NT5M: variants seen among roughly 807,000 people sequenced by gnomAD.
The protein encoded by NT5M is 5'(3')-deoxyribonucleotidase, mitochondrial.
Under a neutral mutation model 22.2 loss-of-function variants are expected in NT5M, and 22 were observed. That is an observed-to-expected ratio of 0.99 (90% CI 0.71 to 1.41). The LOEUF is 1.41. Among genes scored for constraint, NT5M ranks in the 40% most tolerant of loss-of-function variants. The pLI is 0.00. For synonymous variants in NT5M, 167 were observed against 133.0 expected, an observed-to-expected ratio of 1.26 and a Z score of -1.76; for missense variants, 322 against 314.8, an observed-to-expected ratio of 1.02 and a Z score of -0.17.
chr17:17,324,568 C>T (rs2049227219), intron 3 of NT5M, among the ~76,000 whole-genome samples: 1 of 151,940 alleles, frequency 6.6e-6, no homozygotes, highest in Non-Finnish European at 1.5e-5. Flanking sequence ...CAGTGGGAAT[C>T]ACACTTGCTG....
chr17:17,319,279 C>T (rs1273799527), intron 2 of NT5M, among the ~76,000 whole-genome samples: 4 of 151,694 alleles, frequency 2.6e-5, no homozygotes, highest in South Asian at 2.1e-4. Flanking sequence ...CCTGGTTCCC[C>T]GGGCTGTGGG....
intron 3 of NT5M, among the ~76,000 whole-genome samples, chr17:17,340,215 C>T (rs1243249527): frequency 1.3e-5 from 2 of 152,110 alleles, no homozygotes; most frequent in Non-Finnish European, 2.9e-5. Flanking sequence ...TGGTAGATTG[C>T]ATGTATCTAG....
chr17:17,310,454 T>TA (rs1297306177), intron 2 of NT5M, among the ~76,000 whole-genome samples: 4 of 151,890 alleles, frequency 2.6e-5, no homozygotes, highest in Admixed American at 1.3e-4. Flanking sequence ...AAGCTAACAG[T>TA]AAAAAAAGAC....
rs2048746127 is a variant in NT5M at position 17,304,321 on chromosome 17, T to G, written c.267+504T>G. On this transcript the variant is annotated intron_variant, in intron 1 of 4. Transcript: ENST00000389022. ...TGGGGGTCACACAGTGAGTCAGTGGTCCAGGTGAGGTGGGATCCACCTCAT... is the reference window on the plus strand; with the variant it reads ...TGGGGGTCACACAGTGAGTCAGTGGGCCAGGTGAGGTGGGATCCACCTCAT... 4 of 790,038 alleles carry G rather than the reference T, an allele frequency of 5.1e-6. No individual in the cohort carries two copies. In the South Asian group the frequency reaches 2.3e-4, roughly 46 times the overall value. 48.9% of individuals were successfully genotyped at this position (790,038 alleles called of 1,614,324 possible). A position where few individuals can be genotyped will look rare whatever the true frequency, so the allele number is the denominator to read the frequency against.
chr17:17,339,489 C>T (rs9889298), intron 3 of NT5M, among the ~76,000 whole-genome samples: 36,429 of 151,982 alleles, frequency 0.24, 4,773 homozygotes, highest in African/African-American at 0.34. Context: ...ATTGCTCTAG[C>T]GAGGACTTCC....
intron 2 of NT5M, among the ~76,000 whole-genome samples, chr17:17,320,745 G>A (rs981497518): frequency 2.0e-5 from 3 of 152,154 alleles, no homozygotes; most frequent in African/African-American, 7.2e-5. Context: ...AACCTGGAGC[G>A]GTCAGGAGAG....
chr17:17,322,979 G>T (rs901760708), intron 2 of NT5M, among the ~76,000 whole-genome samples: 1 of 152,286 alleles, frequency 6.6e-6, no homozygotes, highest in Admixed American at 6.5e-5. Context: ...GCTGCCTGTG[G>T]CTGGGTAGGG....
At chr17:17,311,254 C>A (rs191177806) in intron 2 of NT5M, among the ~76,000 whole-genome samples, 2 of 151,204 alleles carry the variant, frequency 1.3e-5, no homozygotes, top group African/African-American at 4.9e-5. Context: ...AGGAGAATCG[C>A]GTGAACCTGG....
At chr17:17,317,998 C>T (rs1166450157) in intron 2 of NT5M, among the ~76,000 whole-genome samples, 1 of 86,162 alleles carries the variant, frequency 1.2e-5, no homozygotes, top group African/African-American at 3.1e-5. Context: ...GACATAGACT[C>T]ACTGTATGAG....
chr17:17,336,604 G>T (rs1462265020), intron 3 of NT5M, among the ~76,000 whole-genome samples: 3 of 147,044 alleles, frequency 2.0e-5, no homozygotes, highest in Non-Finnish European at 4.5e-5. Flanking sequence ...AGGCTTGAGT[G>T]CAGTGGCGTG....
intron 4 of NT5M, among the ~76,000 whole-genome samples, chr17:17,346,459 G>A (rs1217263194): frequency 6.6e-6 from 1 of 152,160 alleles, no homozygotes; most frequent in African/African-American, 2.4e-5. Flanking sequence ...ACCGTGTGGT[G>A]TAAGCCATCA....
intron 2 of NT5M, among the ~76,000 whole-genome samples, chr17:17,309,953 T>G (rs1444830057): frequency 6.6e-6 from 1 of 151,360 alleles, no homozygotes; most frequent in East Asian, 1.9e-4. Flanking sequence ...GCCTCCCGAG[T>G]AGCTGGGACT....
intron 2 of NT5M, among the ~76,000 whole-genome samples, chr17:17,313,008 A>G (rs9891799): frequency 0.21 from 31,584 of 151,218 alleles, 4,591 homozygotes; most frequent in African/African-American, 0.42. Flanking sequence ...GCTGGCTCAC[A>G]CCTGTAATCC....
At chr17:17,323,048 G>T in intron 2 of NT5M, 137 bp from the exon 3 acceptor site, 1 of 774,974 alleles carries the variant, frequency 1.3e-6, no homozygotes. Context: ...ATATAGTACA[G>T]GGGAGTGGGT....
At chr17:17,309,059 A>G (rs548233452) in intron 2 of NT5M, among the ~76,000 whole-genome samples, 104 of 152,084 alleles carry the variant, frequency 6.8e-4, no homozygotes, top group African/African-American at 2.3e-3. Flanking sequence ...GCTATTGGGA[A>G]TAGTGCTGCT....
chr17:17,347,031 G>C lies in NT5M; in HGVS notation c.*84G>C. 6.6e-7 allele frequency: 1 copy of C among 1,518,610 alleles called. No individual in the cohort carries two copies. The allele number at this position is 1,518,610 out of a possible 1,614,324, so 94.1% of individuals were successfully genotyped here. A position where few individuals can be genotyped will look rare whatever the true frequency, so the allele number is the denominator to read the frequency against. ...GCCTGTGGGGCCAGTATGCTGGTCT[G>C]GGAGTCCCTCCTAGACTCCTGGGCC... On this transcript the variant is annotated 3_prime_UTR_variant, in exon 5 of 5. Coordinates refer to ENST00000389022, the MANE Select transcript of NT5M (RefSeq NM_020201.4).
At chr17:17,337,950 T>C (rs1320172262) in intron 3 of NT5M, among the ~76,000 whole-genome samples, 1 of 152,060 alleles carries the variant, frequency 6.6e-6, no homozygotes, top group Non-Finnish European at 1.5e-5. Context: ...GCCTGTGCTT[T>C]TGGGGTACTA....
In NT5M at chr17:17,303,720, T is replaced by C; in HGVS notation, c.170T>C (p.Phe57Ser). The C allele has an allele frequency of 6.3e-7, 1 of 1,591,802 alleles. No homozygotes were observed. The highest frequency in any genetic ancestry group is 8.5e-7 in the Non-Finnish European group (1 of 1,171,508). ...TTCGAGGGCGGATTCCTCAGGAAGT[T>C]CCGCGCGCGCTTTCCCGACCAGCCC... is the stretch of plus-strand genomic sequence containing the variant. ...ADFEGGFLRK[F>S]RARFPDQPFI... Residue 57 changes from phenylalanine (F) to serine (S), a missense_variant, in exon 1 of 5, where the codon TTC becomes TCC. Transcript: ENST00000389022.
intron 1 of NT5M, among the ~76,000 whole-genome samples, chr17:17,305,701 CAT>C (rs1266738346): frequency 6.6e-6 from 1 of 152,072 alleles, no homozygotes; most frequent in Non-Finnish European, 1.5e-5. Context: ...GGCTCCTGCT[CAT>C]AGGCTGAGAT....
Sources: gnomAD v4.1 joint callset for allele counts (sites outside exome capture counted in the v4.1 genomes callset) on GRCh38, gnomAD v4.1.1 for gene constraint, MANE v1.5 for transcripts, NCBI Gene and HGNC (gene_info 2026-07-23, HGNC 2026-07-21) for gene names.